Variants in LOC400499 observed in about 807,000 individuals in gnomAD.
the LOC400499 span, chr16:11,518,868 G>A: frequency 2.5e-6 from 1 of 399,122 alleles, no homozygotes; most frequent in Non-Finnish European, 4.4e-6. Flanking sequence ...CCCATCGTGA[G>A]CAGGTCCCAG....
At chr16:11,385,005 G>T in the LOC400499 span, 1 of 1,232,270 alleles carries the variant, frequency 8.1e-7, no homozygotes, top group Non-Finnish European at 1.0e-6. Flanking sequence ...GTCGTGGCAG[G>T]ATGCAGCTTG....
the LOC400499 span, among the ~76,000 whole-genome samples, chr16:11,402,842 T>G: frequency 1.1e-4 from 16 of 152,200 alleles, no homozygotes; most frequent in East Asian, 3.1e-3. Flanking sequence ...AATCAGGAGC[T>G]GATGGGGGCA....
At chr16:11,375,659 G>T in the LOC400499 span, among the ~76,000 whole-genome samples, 1 of 151,530 alleles carries the variant, frequency 6.6e-6, no homozygotes, top group African/African-American at 2.4e-5. Context: ...TAGTGATGTT[G>T]AGCATCTTTT....
the LOC400499 span, chr16:11,423,277 G>C: frequency 2.5e-6 from 1 of 399,164 alleles, no homozygotes; most frequent in Admixed American, 4.4e-5. Context: ...CAGTGGGTGG[G>C]AAGGGGCTGG....
At chr16:11,508,191 C>T in the LOC400499 span, among the ~76,000 whole-genome samples, 1 of 152,172 alleles carries the variant, frequency 6.6e-6, no homozygotes, top group African/African-American at 2.4e-5. Flanking sequence ...GTTCAGGGCC[C>T]TCTCTCAGAA....
chr16:11,409,703 A>C, the LOC400499 span, among the ~76,000 whole-genome samples: 1 of 152,366 alleles, frequency 6.6e-6, no homozygotes, highest in East Asian at 1.9e-4. Flanking sequence ...TGAAGGTATT[A>C]ATTCAACGTT....
the LOC400499 span, among the ~76,000 whole-genome samples, chr16:11,492,644 G>T: frequency 6.6e-6 from 1 of 152,070 alleles, no homozygotes; most frequent in Admixed American, 6.5e-5. Flanking sequence ...AATTAGCCGG[G>T]CGTGGTGGCG....
the LOC400499 span, among the ~76,000 whole-genome samples, chr16:11,420,365 G>A: frequency 6.8e-6 from 1 of 146,144 alleles, no homozygotes; most frequent in Non-Finnish European, 1.5e-5. Flanking sequence ...AACACCACAT[G>A]TTCTCACTCA....
At chr16:11,389,960 T>A in the LOC400499 span, 2 of 460,362 alleles carry the variant, frequency 4.3e-6, no homozygotes, top group East Asian at 3.5e-5. Context: ...AAAGCCCAGC[T>A]TCCTCATCTG....
the LOC400499 span, chr16:11,383,657 G>A: frequency 8.1e-7 from 1 of 1,232,274 alleles, no homozygotes; most frequent in Non-Finnish European, 1.0e-6. Flanking sequence ...TGTGGAGGAG[G>A]GGCCAGGGGT....
At chr16:11,449,541 G>C in the LOC400499 span, among the ~76,000 whole-genome samples, 35 of 152,178 alleles carry the variant, frequency 2.3e-4, no homozygotes, top group Admixed American at 9.2e-4. Flanking sequence ...TAGGGCATTT[G>C]CAGCCGCCAC....
chr16:11,513,300 C>A, the LOC400499 span, among the ~76,000 whole-genome samples: 1 of 149,474 alleles, frequency 6.7e-6, no homozygotes. Context: ...AGTTACCTGG[C>A]GGGCTGAGGT....
the LOC400499 span, among the ~76,000 whole-genome samples, chr16:11,406,928 G>A: frequency 2.6e-5 from 4 of 152,184 alleles, no homozygotes; most frequent in East Asian, 1.9e-4. Flanking sequence ...AATCTCCCCC[G>A]CTAGAGTGGA....
the LOC400499 span, among the ~76,000 whole-genome samples, chr16:11,509,928 G>A: frequency 1.4e-5 from 2 of 146,354 alleles, no homozygotes; most frequent in African/African-American, 2.6e-5. Context: ...AGAGTATACT[G>A]GAAGCCAGGA....
At chr16:11,402,932 C>T in the LOC400499 span, among the ~76,000 whole-genome samples, 1 of 152,152 alleles carries the variant, frequency 6.6e-6, no homozygotes, top group South Asian at 2.1e-4. Context: ...AGCCCCACAC[C>T]CCATGCCACC....
the LOC400499 span, among the ~76,000 whole-genome samples, chr16:11,444,509 G>A: frequency 6.6e-6 from 1 of 152,174 alleles, no homozygotes; most frequent in African/African-American, 2.4e-5. Flanking sequence ...CGTTCATTAC[G>A]TATTATTCAC....
At chr16:11,430,181 G>A in the LOC400499 span, among the ~76,000 whole-genome samples, 2 of 152,028 alleles carry the variant, frequency 1.3e-5, no homozygotes, top group Non-Finnish European at 2.9e-5. Context: ...ATGACTGCCC[G>A]GTACCCTTCA....
the LOC400499 span, chr16:11,412,988 T>A: frequency 5.0e-6 from 2 of 399,106 alleles, no homozygotes; most frequent in South Asian, 2.5e-4. Context: ...TGTGTGGGTG[T>A]ACATAGCCTG....
chr16:11,492,302 C>G, the LOC400499 span, among the ~76,000 whole-genome samples: 1 of 89,112 alleles, frequency 1.1e-5, no homozygotes, highest in African/African-American at 4.7e-5. Context: ...ATTCACCCAT[C>G]CACCCACCCA....
Sources: gnomAD v4.1 joint callset for allele counts (sites outside exome capture counted in the v4.1 genomes callset) on GRCh38, gnomAD v4.1.1 for gene constraint, MANE v1.5 for transcripts.